The following SCN1A variants were observed in gnomAD, a reference collection of about 807,000 sequenced individuals.
SCN1A encodes sodium voltage-gated channel alpha subunit 1, also known as sodium channel protein type 1 subunit alpha.
A neutral mutation model predicts 193.7 loss-of-function variants in SCN1A; 13 were observed. The observed-to-expected ratio is 0.07, with a 90% CI of 0.04 to 0.11. The LOEUF is 0.11. SCN1A is among the 10% of genes least tolerant of loss of function. The pLI is 1.00. For synonymous variants in SCN1A, 781 were observed against 843.6 expected (o/e 0.93, Z 1.29); for missense variants, 1,432 against 2,451.1 (o/e 0.58, Z 8.78).
chr2:166,090,778 A>G (rs1363970555), intron 2 of SCN1A, among the ~76,000 whole-genome samples: 1 of 152,226 alleles, frequency 6.6e-6, no homozygotes, highest in South Asian at 2.1e-4. Flanking sequence ...ATTAAAACTT[A>G]TACTAGAAGC....
chr2:166,013,414 C>T (rs1692811564), intron 21 of SCN1A, among the ~76,000 whole-genome samples: 3 of 151,378 alleles, frequency 2.0e-5, no homozygotes, highest in Admixed American at 2.0e-4. Flanking sequence ...ATATTCCCAT[C>T]CCAGGGCTTC....
At chr2:166,002,252 A>C (rs569126729) in intron 24 of SCN1A, among the ~76,000 whole-genome samples, 1 of 151,818 alleles carries the variant, frequency 6.6e-6, no homozygotes, top group African/African-American at 2.4e-5. Flanking sequence ...AAAGACAAAG[A>C]GGTCTTTGTT....
At chr2:166,131,354 T>C (rs1433749304), upstream of SCN1A, among the ~76,000 whole-genome samples, 1 of 151,366 alleles carries the variant, frequency 6.6e-6, no homozygotes, top group Non-Finnish European at 1.5e-5. Context: ...AATGAAGGCG[T>C]AAGATGTCAT....
Position 166,058,656 on chromosome 2 carries a change from G to A in SCN1A, c.297C>T (p.Ile99=). 1 of 1,610,988 alleles carries A rather than the reference G, an allele frequency of 6.2e-7. No homozygotes were observed. Among genetic ancestry groups the A allele is most frequent in the South Asian group, 1.1e-5 (1 of 91,018 alleles). Residue 99 remains isoleucine (I), a synonymous_variant, in exon 5 of 29, where the codon ATC becomes ATT. Coordinates refer to ENST00000674923, the MANE Select transcript of SCN1A (RefSeq NM_001165963.4). Reference sequence around the variant, plus strand: ...GGGCAGAGGTGGCACTGAACCGGAAGATGGCCTTCCCTTTATTCAATACTA... The same window carrying A: ...GGGCAGAGGTGGCACTGAACCGGAAAATGGCCTTCCCTTTATTCAATACTA... ...TFIVLNKGKA[I]FRFSATSALY... is the part of the protein sequence containing the mutation.
chr2:166,147,654 C>T (rs1043876861), intron 1 of SCN1A, among the ~76,000 whole-genome samples: 2 of 152,068 alleles, frequency 1.3e-5, no homozygotes, highest in Non-Finnish European at 2.9e-5. Context: ...CAAGCTATGT[C>T]TAGGGAAAAT....
At chr2:166,136,552 C>T (rs750167237) in intron 1 of SCN1A, among the ~76,000 whole-genome samples, 37 of 152,270 alleles carry the variant, frequency 2.4e-4, no homozygotes, top group Non-Finnish European at 4.6e-4. Context: ...CCCTAAGTCT[C>T]CTCTCTTGGG....
chr2:166,135,644 G>A (rs939923168), intron 1 of SCN1A, among the ~76,000 whole-genome samples: 4 of 152,102 alleles, frequency 2.6e-5, no homozygotes, highest in African/African-American at 7.2e-5. Flanking sequence ...CTTGAGAAAA[G>A]CAAGAATTCT....
intron 9 of SCN1A, 63 bp from the exon 10 acceptor site, chr2:166,049,012 C>A: frequency 1.0e-6 from 1 of 981,200 alleles, no homozygotes. Flanking sequence ...CAAATGAGAA[C>A]AGGAAGGTCA....
chr2:166,048,787 G>A, intron 10 of SCN1A, 99 bp downstream of exon 10: 1 of 792,950 alleles, frequency 1.3e-6, no homozygotes, highest in South Asian at 1.5e-5. Context: ...AATAAAATTA[G>A]TTGGCTGTTA....
chr2:166,113,335 G>A (rs1233107814), intron 2 of SCN1A, among the ~76,000 whole-genome samples: 4 of 151,772 alleles, frequency 2.6e-5, no homozygotes, highest in African/African-American at 4.8e-5. Flanking sequence ...AGATATCTTG[G>A]CACCTAGTAT....
intron 21 of SCN1A, among the ~76,000 whole-genome samples, chr2:166,013,093 G>A (rs1187467142): frequency 6.0e-5 from 9 of 151,208 alleles, no homozygotes; most frequent in Admixed American, 2.6e-4. Flanking sequence ...CTTTGTGTTA[G>A]TGTTTCCCTA....
At chr2:166,027,234 G>A (rs896055345) in intron 19 of SCN1A, 2 of 152,162 alleles carry the variant, frequency 1.3e-5, no homozygotes, top group East Asian at 3.9e-4. Flanking sequence ...CTGATGGTAA[G>A]AGCAGTTTTC....
chr2:166,129,804 A>G (rs886613510), upstream of SCN1A, among the ~76,000 whole-genome samples: 8 of 152,122 alleles, frequency 5.3e-5, no homozygotes, highest in African/African-American at 1.9e-4. Flanking sequence ...ATAGGTGCCA[A>G]TTTTTCTGAG....
At chr2:166,031,103 T>C (rs796308178) in intron 19 of SCN1A, among the ~76,000 whole-genome samples, 49 of 152,256 alleles carry the variant, frequency 3.2e-4, no homozygotes, top group African/African-American at 1.2e-3. Flanking sequence ...ACTTTGAAGG[T>C]TGAAGTCTCT....
rs1697140759 is a variant in SCN1A at position 166,041,311 on chromosome 2, C to T, written c.2335G>A (p.Val779Ile). The T allele has an allele frequency of 4.3e-6, 7 of 1,613,912 alleles. No homozygotes were observed. Among genetic ancestry groups the T allele is most frequent in the South Asian group, 1.1e-5 (1 of 91,078 alleles). Residue 779 changes from valine (V) to isoleucine (I), a missense_variant, in exon 16 of 29, where the codon GTC (valine) becomes ATC (isoleucine). Around this residue, in one of 18 missense-constraint regions of SCN1A, gnomAD observed 93 missense variants for 260.4 expected, o/e 0.36. Coordinates refer to ENST00000674923, the MANE Select transcript of SCN1A (RefSeq NM_001165963.4). ...FVDLAITICI[V>I]LNTLFMAMEH... ...ATGGCCATGAAAAGAGTATTTAAGACAATACAGATGGTGATGGCCAGGTCA... is the reference window on the plus strand; with the variant it reads ...ATGGCCATGAAAAGAGTATTTAAGATAATACAGATGGTGATGGCCAGGTCA...
chr2:166,076,201 T>G (rs1684969227), intron 3 of SCN1A, among the ~76,000 whole-genome samples: 1 of 151,970 alleles, frequency 6.6e-6, no homozygotes, highest in South Asian at 2.1e-4. Context: ...TGTATAATGC[T>G]TAGAAAGGCA....
chr2:165,995,198 A>G (rs1295923046), intron 27 of SCN1A, among the ~76,000 whole-genome samples: 1 of 151,746 alleles, frequency 6.6e-6, no homozygotes, highest in African/African-American at 2.4e-5. Flanking sequence ...TTGTTGTTTC[A>G]TTTCTACTCT....
At chr2:166,065,602 T>C (rs74869656) in intron 4 of SCN1A, among the ~76,000 whole-genome samples, 1 of 152,180 alleles carries the variant, frequency 6.6e-6, no homozygotes, top group African/African-American at 2.4e-5. Flanking sequence ...ATATTTAATA[T>C]TTTTTCATCT....
chr2:166,052,726 A>C, intron 8 of SCN1A, 126 bp downstream of exon 8: 1 of 832,470 alleles, frequency 1.2e-6, no homozygotes, highest in Non-Finnish European at 2.0e-6. Flanking sequence ...TGTCTAAACA[A>C]TAAGAATCAT....
Sources: allele counts gnomAD v4.1 joint callset (sites outside exome capture counted in the v4.1 genomes callset), GRCh38; gene constraint gnomAD v4.1.1; regional missense constraint gnomAD v4.1.1; transcripts MANE v1.5; gene names NCBI Gene and HGNC (gene_info 2026-07-23, HGNC 2026-07-21).